The following ZRANB3 variants were observed in gnomAD, a reference collection of about 807,000 sequenced individuals.
ZRANB3 encodes DNA annealing helicase and endonuclease ZRANB3.
In ZRANB3, 125 loss-of-function variants were observed where a neutral mutation model predicts 133.8. The observed-to-expected ratio is 0.93, with a 90% CI of 0.81 to 1.08. The LOEUF is 1.08. ZRANB3 is among the 50% of genes least tolerant of loss of function. The pLI is 0.00. For missense variants in ZRANB3, 1,229 were observed against 1,275.5 expected (o/e 0.96, Z 0.56); for synonymous variants, 387 against 432.7 (o/e 0.89, Z 1.31).
chr2:135,307,741 T>A (rs1422678739), intron 8 of ZRANB3, among the ~76,000 whole-genome samples: 1 of 152,212 alleles, frequency 6.6e-6, no homozygotes, highest in African/African-American at 2.4e-5. Flanking sequence ...GAATTGAGCA[T>A]GCTTCTTCCT....
intron 17 of ZRANB3, among the ~76,000 whole-genome samples, chr2:135,217,002 T>C (rs772037652): frequency 2.6e-5 from 4 of 152,332 alleles, no homozygotes; most frequent in South Asian, 4.1e-4. Flanking sequence ...TTTCCAATCA[T>C]GGACATGATT....
In ZRANB3 at chr2:135,350,013, C is replaced by G; in HGVS notation, c.562G>C (p.Gly188Arg). ...QKARRAILLT[G>R]TPALGRPEEL... ...TCAGGCCTTCCTAAAGCTGGTGTTC[C>G]TGTAAGAAGAATGGCTCGTCTGGCT... The change falls in exon 5 of 21, where the codon GGA becomes CGA. Residue 188 changes from glycine (G) to arginine (R), a missense_variant. By Grantham distance (125) the Gly-to-Arg change is moderately radical. Coordinates refer to ENST00000264159, the MANE Select transcript of ZRANB3 (RefSeq NM_032143.4). 1 of 1,613,710 alleles carries G rather than the reference C, an allele frequency of 6.2e-7. No homozygotes were observed. Among genetic ancestry groups the G allele is most frequent in the Non-Finnish European group, 8.5e-7 (1 of 1,179,818 alleles).
intron 12 of ZRANB3, among the ~76,000 whole-genome samples, chr2:135,233,998 C>G (rs1300616096): frequency 6.6e-6 from 1 of 152,110 alleles, no homozygotes; most frequent in African/African-American, 2.4e-5. Context: ...CACAGACTGG[C>G]AAATTGGATA....
At chr2:135,249,484 C>G (rs899986185) in intron 12 of ZRANB3, among the ~76,000 whole-genome samples, 1 of 152,216 alleles carries the variant, frequency 6.6e-6, no homozygotes, top group Non-Finnish European at 1.5e-5. Context: ...CCTTAGCAAA[C>G]TAATGCAAGA....
chr2:135,410,347 C>G (rs1688249457), intron 2 of ZRANB3, among the ~76,000 whole-genome samples: 1 of 152,042 alleles, frequency 6.6e-6, no homozygotes, highest in Non-Finnish European at 1.5e-5. Flanking sequence ...CTACAAGCAC[C>G]TAATCTTTGA....
intron 8 of ZRANB3, among the ~76,000 whole-genome samples, chr2:135,293,604 T>C (rs1482930610): frequency 1.2e-4 from 19 of 152,070 alleles, no homozygotes; most frequent in Admixed American, 9.8e-4. Flanking sequence ...TCCTGCCTCA[T>C]TGCCCTGGCC....
chr2:135,353,515 A>T lies in ZRANB3; in HGVS notation c.294T>A (p.Ile98=), dbSNP rs1472358449. 1 of 1,610,200 alleles carries T rather than the reference A, an allele frequency of 6.2e-7. No homozygotes were observed. The highest frequency in any genetic ancestry group is 8.5e-7 in the Non-Finnish European group (1 of 1,177,734). ...SSLRYPWTEE[I]EKWIPELSPE... ...GACTTAGCTCTGGGATCCATTTTTC[A>T]ATTTCTTCTGTCCAAGGGTACCTCA... Residue 98 remains isoleucine, a synonymous_variant, in exon 4 of 21, where the codon ATT becomes ATA. Coordinates refer to ENST00000264159, the MANE Select transcript of ZRANB3 (RefSeq NM_032143.4).
At chr2:135,335,523 T>C (rs999342053) in intron 6 of ZRANB3, among the ~76,000 whole-genome samples, 1 of 151,986 alleles carries the variant, frequency 6.6e-6, no homozygotes, top group African/African-American at 2.4e-5. Context: ...TGAAACCCTG[T>C]TTCCACTAAA....
At chr2:135,249,472 A>T (rs1309028450) in intron 12 of ZRANB3, among the ~76,000 whole-genome samples, 1 of 152,274 alleles carries the variant, frequency 6.6e-6, no homozygotes, top group East Asian at 1.9e-4. Flanking sequence ...GGAGGCTATT[A>T]TCCTTAGCAA....
chr2:135,328,573 T>A (rs1032769471), intron 6 of ZRANB3, among the ~76,000 whole-genome samples: 1 of 152,170 alleles, frequency 6.6e-6, no homozygotes, highest in Non-Finnish European at 1.5e-5. Flanking sequence ...TTAGAGTATA[T>A]ATCCAGAAAT....
At chr2:135,306,476 T>G (rs1348822800) in intron 8 of ZRANB3, among the ~76,000 whole-genome samples, 1 of 150,158 alleles carries the variant, frequency 6.7e-6, no homozygotes, top group East Asian at 2.0e-4. Flanking sequence ...GTATTTTTAG[T>G]GGAGACAGGG....
At chr2:135,327,512 GAAT>G (rs1403535011) in intron 6 of ZRANB3, among the ~76,000 whole-genome samples, 5 of 152,036 alleles carry the variant, frequency 3.3e-5, no homozygotes, top group African/African-American at 9.7e-5. Context: ...ATTTAGTAGA[GAAT>G]AATATTAATT....
Position 135,230,825 on chromosome 2 carries a change from C to T in ZRANB3, c.1642G>A (p.Glu548Lys). The change falls in exon 13 of 21, where the codon GAA becomes AAA. Residue 548 changes from glutamate to lysine, a missense_variant. Glu to Lys is a moderately conservative substitution (Grantham distance 56, BLOSUM62 1). Coordinates refer to ENST00000264159, the MANE Select transcript of ZRANB3 (RefSeq NM_032143.4). ...GGGTCTGATGACACTACAGTATTTT[C>T]CTCCCGGAATCTCTTTGATTCGTCA... ...SCDESKRFRE[E>K]NTVVSSDPTK... 6.2e-7 allele frequency: 1 copy of T among 1,613,286 alleles called. No homozygotes were observed. The highest frequency in any genetic ancestry group is 8.5e-7 in the Non-Finnish European group (1 of 1,179,712).
intron 3 of ZRANB3, among the ~76,000 whole-genome samples, chr2:135,384,854 A>T (rs1686890126): frequency 2.0e-5 from 3 of 152,292 alleles, no homozygotes; most frequent in East Asian, 3.9e-4. Context: ...CAAAATAATA[A>T]GAGCTATTTA....
At chr2:135,254,518 C>T (rs1402863898) in intron 12 of ZRANB3, among the ~76,000 whole-genome samples, 3 of 151,800 alleles carry the variant, frequency 2.0e-5, no homozygotes, top group African/African-American at 4.8e-5. Flanking sequence ...GAGGCTGAGG[C>T]GGGAGAATCA....
intron 2 of ZRANB3, among the ~76,000 whole-genome samples, chr2:135,480,097 C>T (rs956041636): frequency 7.6e-5 from 11 of 144,422 alleles, no homozygotes; most frequent in African/African-American, 3.0e-4. Context: ...CCATGTCAGG[C>T]TAATTTTTTT....
At chr2:135,255,106 A>C (rs1296574295) in intron 12 of ZRANB3, among the ~76,000 whole-genome samples, 1 of 152,138 alleles carries the variant, frequency 6.6e-6, no homozygotes, top group Non-Finnish European at 1.5e-5. Context: ...GGCAATGTTA[A>C]ATAAAATGTA....
intron 3 of ZRANB3, among the ~76,000 whole-genome samples, chr2:135,362,798 G>A (rs1315613053): frequency 1.3e-5 from 2 of 152,068 alleles, no homozygotes; most frequent in East Asian, 1.9e-4. Flanking sequence ...TTGAGCAAAC[G>A]TGTTTTAAGA....
In ZRANB3 at chr2:135,284,050, T is replaced by C. The variant is rs543655425; in HGVS notation, c.967-8295A>G. ...CATGGTCACTAACAAATATTATGTCTATTAAGCTATCTTTGTTGAATGATG... is the reference window on the plus strand; with the variant it reads ...CATGGTCACTAACAAATATTATGTCCATTAAGCTATCTTTGTTGAATGATG... On this transcript the variant is annotated intron_variant, in intron 8 of 20. Transcript: ENST00000264159. 1.9e-4 allele frequency among the ~76,000 whole-genome samples: 29 copies of C among 152,320 alleles called. No individual in the cohort carries two copies. The South Asian group carries it at 6.0e-3, about 32-fold the overall frequency.
Sources: gnomAD v4.1 joint callset for allele counts (sites outside exome capture counted in the v4.1 genomes callset) on GRCh38, gnomAD v4.1.1 for gene constraint, MANE v1.5 for transcripts, NCBI Gene and HGNC (gene_info 2026-07-23, HGNC 2026-07-21) for gene names.